Variants in BPIFB6 observed in about 807,000 individuals in gnomAD.
BPIFB6 encodes BPI fold containing family B member 6.
In BPIFB6, 47 loss-of-function variants were observed where a neutral mutation model predicts 54.7. That is an observed-to-expected ratio of 0.86 (90% CI 0.68 to 1.10). The LOEUF (loss-of-function observed/expected upper bound fraction) is 1.10, where lower values mean the gene tolerates loss of function less well. BPIFB6 is among the 50% of genes least tolerant of loss of function. The pLI is 0.00. For missense variants in BPIFB6, 603 were observed against 564.1 expected, an observed-to-expected ratio of 1.07 and a Z score of -0.70; for synonymous variants, 255 against 225.9, an observed-to-expected ratio of 1.13 and a Z score of -1.16.
rs376206362 is a variant in BPIFB6, at chr20:33,032,994, C to A, written c.108C>A (p.Ser36Arg). ...GTGTCTCCACTCCAGAGGTCCAGAG[C>A]GCCATGGATGAGAGTCATATCCTGG... ...LGMDIMNQVQ[S>R]AMDESHILEK... Residue 36 changes from serine to arginine, a missense_variant, in exon 2 of 15, where the codon AGC (serine) becomes AGA (arginine). Physicochemically the swap from Ser to Arg is moderately radical, Grantham distance 110. Coordinates refer to ENST00000349552, the MANE Select transcript of BPIFB6 (RefSeq NM_174897.2). 3.1e-6 allele frequency: 5 copies of A among 1,613,614 alleles called. No homozygotes were observed. Among genetic ancestry groups the A allele is most frequent in the Non-Finnish European group, 4.2e-6 (5 of 1,179,598 alleles).
Position 33,036,538 on chromosome 20 carries a change from T to C in BPIFB6, c.669+2T>C, listed in dbSNP as rs748852862. 1.9e-6 allele frequency: 3 copies of C among 1,613,854 alleles called. No individual in the cohort carries two copies. In the South Asian group the frequency reaches 3.3e-5, roughly 18 times the overall value. ...AGCTACATCCAACTGGACTTCAGTGTAAGCGCCTAGGGCCACCTGGGAGCT... is the reference window on the plus strand; with the variant it reads ...AGCTACATCCAACTGGACTTCAGTGCAAGCGCCTAGGGCCACCTGGGAGCT... On this transcript the variant is annotated splice_donor_variant, in intron 7 of 14. Coordinates refer to ENST00000349552, the MANE Select transcript of BPIFB6 (RefSeq NM_174897.2). LOFTEE classifies it high-confidence loss of function.
At chr20:33,041,745 T>A (rs1020609724) in intron 11 of BPIFB6, among the ~76,000 whole-genome samples, 1 of 152,126 alleles carries the variant, frequency 6.6e-6, no homozygotes, top group African/African-American at 2.4e-5. Context: ...ACCAGTCTAG[T>A]GGTTTGAGCT....
rs1979252435 is a variant in BPIFB6 at position 33,034,688 on chromosome 20, G to A, written c.303-75G>A. ...TTTCTCCCTCTCAGCTGCTCAGATT[G>A]TGAGCAAAGAGAAGGCAGGGAGAGC... On this transcript the variant is annotated intron_variant, in intron 3 of 14. Coordinates refer to ENST00000349552, the MANE Select transcript of BPIFB6 (RefSeq NM_174897.2). The A allele has an allele frequency of 5.4e-6, 8 of 1,482,354 alleles. No homozygotes were observed. The South Asian group carries it at 1.0e-4, about 19-fold the overall frequency. The allele number at this position is 1,482,354 out of a possible 1,614,324, so 91.8% of individuals were successfully genotyped here. A position where few individuals can be genotyped will look rare whatever the true frequency, so the allele number is the denominator to read the frequency against.
Position 33,032,985 on chromosome 20 carries a change from G to A in BPIFB6, c.99G>A (p.Gln33=), listed in dbSNP as rs764650705. Residue 33 remains glutamine (Q), a splice_region_variant and synonymous_variant, in exon 2 of 15, where the codon CAG becomes CAA. Coordinates refer to ENST00000349552, the MANE Select transcript of BPIFB6 (RefSeq NM_174897.2). ...TCCAACTAAGTGTCTCCACTCCAGA[G>A]GTCCAGAGCGCCATGGATGAGAGTC... ...LLRLGMDIMN[Q]VQSAMDESHI... is the part of the protein sequence containing the mutation. 25 of 1,613,270 alleles carry A rather than the reference G, an allele frequency of 1.5e-5. 1 individual carries two copies. The Middle Eastern group carries it at 2.6e-3, about 170-fold the overall frequency.
chr20:33,034,618 C>T (rs1181111241), intron 3 of BPIFB6, 145 bp from the exon 4 acceptor site: 1 of 895,252 alleles, frequency 1.1e-6, no homozygotes, highest in South Asian at 1.6e-5. Context: ...TCACCTGGGG[C>T]AGGTCCCATC....
At position 33,042,858 on chromosome 20, in the gene BPIFB6, C is replaced by A. The variant is rs1979646448; in HGVS notation, c.1232C>A (p.Ala411Asp). 6.2e-7 allele frequency: 1 copy of A among 1,614,126 alleles called. No individual in the cohort carries two copies. Among genetic ancestry groups the A allele is most frequent in the Non-Finnish European group, 8.5e-7 (1 of 1,179,978 alleles). The change falls in exon 13 of 15, where the codon GCC becomes GAC. Residue 411 changes from alanine to aspartate, a missense_variant. By Grantham distance (126) the Ala-to-Asp change is moderately radical (BLOSUM62 -2). Coordinates refer to ENST00000349552, the MANE Select transcript of BPIFB6 (RefSeq NM_174897.2). ...TGFITSYLEE[A>D]YIPVVNDVLQ... ...TTCATCACCAGCTATCTCGAAGAAG[C>A]CTACATCCCAGTTGTCAATGGTGAG...
At chr20:33,043,244 C>A in intron 13 of BPIFB6, 47 bp from the exon 14 acceptor site, 1 of 1,557,704 alleles carries the variant, frequency 6.4e-7, no homozygotes, top group South Asian at 1.1e-5. Context: ...ACTCCTTAAT[C>A]AACTGCACAG....
At chr20:33,039,067 C>G in intron 9 of BPIFB6, 105 bp downstream of exon 9, 1 of 1,302,794 alleles carries the variant, frequency 7.7e-7, no homozygotes. Context: ...GCCACATATT[C>G]CTTGTCCAAT....
chr20:33,035,511 G>A (rs1979298152), intron 5 of BPIFB6, 101 bp from the exon 6 acceptor site: 1 of 1,263,198 alleles, frequency 7.9e-7, no homozygotes, highest in Non-Finnish European at 1.2e-6. Context: ...CCCAGTCCCT[G>A]TCCCACCAGG....
Position 33,037,681 on chromosome 20 carries a change from C to T in BPIFB6, c.789C>T (p.Leu263=), listed in dbSNP as rs754279299. ...SSQLLLPATF[L]SAELALLQKS... is the part of the protein sequence containing the mutation. ...AGCTGCTGCTCCCAGCCACCTTCCT[C>T]TCTGCAGAGCTTGCCCTTCTGCAGA... Residue 263 remains leucine (L), a synonymous_variant, in exon 8 of 15, where the codon CTC becomes CTT. Transcript: ENST00000349552. 2 of 1,614,108 alleles carry T rather than the reference C, an allele frequency of 1.2e-6. No individual in the cohort carries two copies. The highest frequency in any genetic ancestry group is 2.2e-5 in the East Asian group (1 of 44,882).
chr20:33,033,734 C>T (rs757425735), intron 2 of BPIFB6: 25 of 442,428 alleles, frequency 5.7e-5, no homozygotes, highest in African/African-American at 1.4e-4. Flanking sequence ...TCACAAGTTG[C>T]GGGGACTGGG....
Position 33,037,413 on chromosome 20 carries a change from AC to A in BPIFB6, c.670-148del. 2 of 764,596 alleles carry A rather than the reference AC, an allele frequency of 2.6e-6. 1 individual carries two copies. Among genetic ancestry groups the A allele is most frequent in the South Asian group, 3.9e-5 (2 of 51,774 alleles). 47.4% of individuals were successfully genotyped at this position (764,596 alleles called of 1,614,324 possible). A position where few individuals can be genotyped will look rare whatever the true frequency, so the allele number is the denominator to read the frequency against. On this transcript the variant is annotated intron_variant, in intron 7 of 14. Coordinates refer to ENST00000349552, the MANE Select transcript of BPIFB6 (RefSeq NM_174897.2). ...ACCTGTACACTGGGAGGTTTGGCCCACTGTAGCCCATTGTGGTTCTCTTAAT... is the reference window on the plus strand; with the variant it reads ...ACCTGTACACTGGGAGGTTTGGCCCATGTAGCCCATTGTGGTTCTCTTAAT...
intron 9 of BPIFB6, 124 bp from the exon 10 acceptor site, chr20:33,039,223 G>A: frequency 2.9e-6 from 3 of 1,038,624 alleles, no homozygotes; most frequent in Non-Finnish European, 4.2e-6. Flanking sequence ...ACACATCCTG[G>A]CCTTTGCATG....
Position 33,032,994 on chromosome 20 carries a change from C to T in BPIFB6, c.108C>T (p.Ser36=), listed in dbSNP as rs376206362. The T allele has an allele frequency of 7.6e-5, 123 of 1,613,614 alleles. 1 individual carries two copies. The South Asian group carries it at 8.1e-4, about 11-fold the overall frequency. ...GTGTCTCCACTCCAGAGGTCCAGAG[C>T]GCCATGGATGAGAGTCATATCCTGG... is the stretch of plus-strand genomic sequence containing the variant. The part of the protein sequence containing the change: ...LGMDIMNQVQ[S]AMDESHILEK... The change falls in exon 2 of 15, where the codon AGC becomes AGT. Residue 36 remains serine, a synonymous_variant. Transcript: ENST00000349552.
At chr20:33,043,808 G>A (rs1312507315) in intron 14 of BPIFB6, among the ~76,000 whole-genome samples, 2 of 152,190 alleles carry the variant, frequency 1.3e-5, no homozygotes, top group Non-Finnish European at 2.9e-5. Context: ...TCTGGGAGGT[G>A]GGGGTGCTTG....
rs199897757 is a variant in BPIFB6, at chr20:33,043,999, C to G, written c.1330-16C>G. On this transcript the variant is annotated splice_polypyrimidine_tract_variant and intron_variant, in intron 14 of 14. Transcript: ENST00000349552. ...GTCCCTGGTCATTGCTCTCCTACCC[C>G]TTTGCCTTTTGCCAGAATGCCCTGA... 6.2e-7 allele frequency: 1 copy of G among 1,614,196 alleles called. No homozygotes were observed. The highest frequency in any genetic ancestry group is 1.7e-5 in the Admixed American group (1 of 60,034).
chr20:33,038,925 C>G lies in BPIFB6; in HGVS notation c.863C>G (p.Pro288Arg), dbSNP rs773873194. 6.8e-6 allele frequency: 11 copies of G among 1,613,996 alleles called. No individual in the cohort carries two copies. Among genetic ancestry groups the G allele is most frequent in the South Asian group, 1.1e-5 (1 of 91,070 alleles). Residue 288 changes from proline to arginine, a missense_variant, in exon 9 of 15, where the codon CCA (proline) becomes CGA (arginine). Pro to Arg is a moderately radical substitution (Grantham distance 103). Coordinates refer to ENST00000349552, the MANE Select transcript of BPIFB6 (RefSeq NM_174897.2). ...ATTCTGTAGATTGGTGAGCTGCCCC[C>G]ACAAACCACCAAGACCCTGGCTCGC... ...IQDTMIGELP[P>R]QTTKTLARFI...
intron 4 of BPIFB6, 84 bp downstream of exon 4, chr20:33,034,996 C>T (rs142400610): frequency 6.2e-7 from 1 of 1,608,996 alleles, no homozygotes; most frequent in Non-Finnish European, 8.5e-7. Context: ...ATGGAACCCC[C>T]TTAACCATGC....
intron 3 of BPIFB6, 102 bp from the exon 4 acceptor site, chr20:33,034,661 C>G (rs1437291453): frequency 1.5e-6 from 2 of 1,362,798 alleles, no homozygotes; most frequent in Admixed American, 4.3e-5. Flanking sequence ...GGTCTCCTAC[C>G]CTTTCTCCCT....
Sources: allele counts gnomAD v4.1 joint callset (sites outside exome capture counted in the v4.1 genomes callset), GRCh38; gene constraint gnomAD v4.1.1; transcripts MANE v1.5; gene names NCBI Gene and HGNC (gene_info 2026-07-23, HGNC 2026-07-21).